Variants in LOC122539214 observed in about 807,000 individuals in gnomAD.
chr19:52,685,415 A>G, the LOC122539214 span, among the ~76,000 whole-genome samples: 1 of 152,130 alleles, frequency 6.6e-6, no homozygotes, highest in Non-Finnish European at 1.5e-5. Context: ...TCTTTCAAAT[A>G]CCTGGGCTAA....
chr19:52,659,477 G>A, the LOC122539214 span, among the ~76,000 whole-genome samples: 1 of 152,114 alleles, frequency 6.6e-6, no homozygotes, highest in Non-Finnish European at 1.5e-5. Context: ...AAACACAGCA[G>A]AACTAGCAAA....
chr19:52,685,299 TC>T, the LOC122539214 span, among the ~76,000 whole-genome samples: 4 of 151,996 alleles, frequency 2.6e-5, no homozygotes, highest in African/African-American at 9.7e-5. Flanking sequence ...CCTGAGAAGA[TC>T]TGAGATGAGT....
chr19:52,685,609 A>G, the LOC122539214 span, among the ~76,000 whole-genome samples: 177 of 152,220 alleles, frequency 1.2e-3, no homozygotes, highest in African/African-American at 4.1e-3. Context: ...TCAAGAATAT[A>G]TGGGTGGTCA....
chr19:52,687,293 C>T, the LOC122539214 span, among the ~76,000 whole-genome samples: 1 of 142,864 alleles, frequency 7.0e-6, no homozygotes, highest in Non-Finnish European at 1.5e-5. Context: ...ATTTTGAGAC[C>T]AGCTTGGGAA....
chr19:52,663,362 G>A, the LOC122539214 span, among the ~76,000 whole-genome samples: 1 of 152,162 alleles, frequency 6.6e-6, no homozygotes, highest in Admixed American at 6.5e-5. Context: ...GAGAGGCAGT[G>A]GTAGAAATGA....
the LOC122539214 span, among the ~76,000 whole-genome samples, chr19:52,659,821 A>G: frequency 6.6e-6 from 1 of 152,204 alleles, no homozygotes; most frequent in African/African-American, 2.4e-5. Context: ...CAAAATTCAG[A>G]GATAGAGAAA....
chr19:52,686,021 C>A, the LOC122539214 span, among the ~76,000 whole-genome samples: 10 of 151,650 alleles, frequency 6.6e-5, no homozygotes, highest in East Asian at 1.9e-3. Flanking sequence ...GAAACATGAA[C>A]TTAATAGCTC....
chr19:52,668,575 A>G, the LOC122539214 span, among the ~76,000 whole-genome samples: 1 of 152,102 alleles, frequency 6.6e-6, no homozygotes, highest in African/African-American at 2.4e-5. Flanking sequence ...CCTTTCCCAA[A>G]TCTATGAAAT....
At chr19:52,661,078 G>A in the LOC122539214 span, among the ~76,000 whole-genome samples, 27 of 151,956 alleles carry the variant, frequency 1.8e-4, no homozygotes, top group African/African-American at 6.0e-4. Context: ...TTGGCCAGGA[G>A]AGTCTCAATC....
the LOC122539214 span, among the ~76,000 whole-genome samples, chr19:52,674,777 A>C: frequency 7.9e-5 from 12 of 152,380 alleles, no homozygotes; most frequent in African/African-American, 2.6e-4. Flanking sequence ...ATAGAGATAC[A>C]ACCAATATTG....
the LOC122539214 span, among the ~76,000 whole-genome samples, chr19:52,658,020 C>T: frequency 0.025 from 3,820 of 151,682 alleles, 142 homozygotes; most frequent in African/African-American, 0.083. Context: ...CCTGTAATCC[C>T]GGCTATTCAA....
At chr19:52,659,117 G>T in the LOC122539214 span, among the ~76,000 whole-genome samples, 1 of 152,090 alleles carries the variant, frequency 6.6e-6, no homozygotes, top group Admixed American at 6.5e-5. Context: ...CCTCTTGTGA[G>T]GAGCAATACC....
chr19:52,653,004 CTGA>C, the LOC122539214 span: 1 of 1,387,584 alleles, frequency 7.2e-7, no homozygotes, highest in Non-Finnish European at 1.0e-6. Flanking sequence ...TATGAACTCT[CTGA>C]TGTTGTGCAA....
chr19:52,690,196 A>AAAC, the LOC122539214 span, among the ~76,000 whole-genome samples: 3 of 149,460 alleles, frequency 2.0e-5, no homozygotes, highest in African/African-American at 5.1e-5. Context: ...AAAAAAAAAA[A>AAAC]AACAACAACA....
chr19:52,659,301 G>A, the LOC122539214 span, among the ~76,000 whole-genome samples: 3 of 152,106 alleles, frequency 2.0e-5, no homozygotes, highest in African/African-American at 4.8e-5. Flanking sequence ...GAAGGATTTC[G>A]TGGTCAAGCC....
the LOC122539214 span, among the ~76,000 whole-genome samples, chr19:52,678,449 C>CA: frequency 0.63 from 68,656 of 109,342 alleles, 20,197 homozygotes; most frequent in Admixed American, 0.69. Context: ...GACTTCATCT[C>CA]AAAAAAAAAA....
chr19:52,685,573 A>G, the LOC122539214 span, among the ~76,000 whole-genome samples: 1 of 152,168 alleles, frequency 6.6e-6, no homozygotes, highest in African/African-American at 2.4e-5. Context: ...CAGCTGTAGA[A>G]CTAAGACGTA....
At chr19:52,680,651 CG>C in the LOC122539214 span, among the ~76,000 whole-genome samples, 1 of 124,242 alleles carries the variant, frequency 8.0e-6, no homozygotes, top group African/African-American at 3.3e-5. Context: ...CTCGCTCTGT[CG>C]CCCAGGCTGG....
chr19:52,656,144 C>T, the LOC122539214 span, among the ~76,000 whole-genome samples: 10 of 152,162 alleles, frequency 6.6e-5, no homozygotes, highest in Admixed American at 2.0e-4. Context: ...GCTCCAGAGG[C>T]AAAGGTTGCG....
Sources: gnomAD v4.1 joint callset for allele counts (sites outside exome capture counted in the v4.1 genomes callset) on GRCh38, gnomAD v4.1.1 for gene constraint, MANE v1.5 for transcripts.